Variants in DMD observed in about 807,000 individuals in gnomAD.
The protein encoded by DMD is dystrophin, also known as mutant dystrophin.
DMD carries 63 observed loss-of-function variants against 330.1 expected under a neutral mutation model. That is an observed-to-expected ratio of 0.19 (90% confidence interval 0.16 to 0.24). The LOEUF is 0.24. Among genes scored for constraint, DMD ranks in the 10% least tolerant of loss-of-function variants. The pLI is 1.00. For missense variants in DMD, 3,344 were observed against 2,684.1 expected, an observed-to-expected ratio of 1.25 and a Z score of -5.43; for synonymous variants, 1,223 against 959.8, an observed-to-expected ratio of 1.27 and a Z score of -5.07.
At chrX:31,190,607 GGGGGA>G (rs2042231047) in intron 67 of DMD, among the ~76,000 whole-genome samples, 1 of 17,874 alleles carries the variant, frequency 5.6e-5, no homozygotes, top group African/African-American at 1.5e-4. Flanking sequence ...GGGGGGGGGG[GGGGGA>G]GGGGGAGGGC....
intron 1 of DMD, among the ~76,000 whole-genome samples, chrX:33,101,964 A>G (rs1426407126): frequency 8.9e-6 from 1 of 112,108 alleles, no homozygotes; most frequent in Non-Finnish European, 1.9e-5. Context: ...CTCCTTTGAT[A>G]AAACTTTCAA....
At chrX:31,360,461 G>A (rs911467116) in intron 60 of DMD, among the ~76,000 whole-genome samples, 5 of 111,922 alleles carry the variant, frequency 4.5e-5, no homozygotes, top group Admixed American at 1.9e-4. Flanking sequence ...GCCATTGAAG[G>A]TAATGGTAAA....
At chrX:32,369,409 A>T (rs1384392765) in intron 34 of DMD, among the ~76,000 whole-genome samples, 1 of 111,542 alleles carries the variant, frequency 9.0e-6, no homozygotes, top group Non-Finnish European at 1.9e-5. Context: ...TTAAAAAGGC[A>T]TGTTCGGTTC....
intron 59 of DMD, among the ~76,000 whole-genome samples, chrX:31,448,030 A>G (rs773009191): frequency 0.053 from 5,700 of 108,236 alleles, 257 homozygotes; most frequent in African/African-American, 0.13. Context: ...AAAAAAAAAA[A>G]AAAGAAAAAA....
At chrX:33,290,179 T>TAA (rs1459890244) in intron 1 of DMD, among the ~76,000 whole-genome samples, 6 of 111,576 alleles carry the variant, frequency 5.4e-5, no homozygotes. Flanking sequence ...ATTCTACCAC[T>TAA]AAAAAGTGTT....
intron 60 of DMD, among the ~76,000 whole-genome samples, chrX:31,400,781 C>T (rs765268646): frequency 8.0e-5 from 9 of 112,187 alleles, no homozygotes; most frequent in South Asian, 3.7e-4. Context: ...CTTAGCTTTT[C>T]GACTTAGCAG....
At chrX:32,335,304 C>G (rs1225712881) in intron 41 of DMD, among the ~76,000 whole-genome samples, 1 of 108,015 alleles carries the variant, frequency 9.3e-6, no homozygotes, top group Non-Finnish European at 1.9e-5. Flanking sequence ...CAGTTTCAAG[C>G]AATTCTCATG....
chrX:31,805,049 G>T (rs760289695), intron 50 of DMD, among the ~76,000 whole-genome samples: 9 of 110,738 alleles, frequency 8.1e-5, no homozygotes, highest in Non-Finnish European at 1.7e-4. Context: ...ACACAGGAGG[G>T]CACACAGTAA....
chrX:33,126,273 G>A (rs1362864973), intron 1 of DMD, among the ~76,000 whole-genome samples: 1 of 111,791 alleles, frequency 8.9e-6, no homozygotes, highest in African/African-American at 3.2e-5. Flanking sequence ...TTCTTGTACA[G>A]TGTAAACTAA....
chrX:31,365,968 A>T (rs1443152638), intron 60 of DMD, among the ~76,000 whole-genome samples: 1 of 112,587 alleles, frequency 8.9e-6, no homozygotes, highest in Non-Finnish European at 1.9e-5. Context: ...CAAACAACAG[A>T]AATGCTGCCC....
chrX:32,674,668 C>G (rs1272873462), intron 9 of DMD, among the ~76,000 whole-genome samples: 1 of 111,139 alleles, frequency 9.0e-6, no homozygotes, highest in African/African-American at 3.3e-5. Flanking sequence ...GAGAGAAACT[C>G]AGACCTTTTG....
chrX:32,747,249 T>C lies in DMD; in HGVS notation c.650-47956A>G, dbSNP rs185017749. 3.4e-3 allele frequency among the ~76,000 whole-genome samples: 379 copies of C among 112,042 alleles called. 5 individuals are homozygous for C. The highest frequency in any genetic ancestry group is 0.027 in the Admixed American group (279 of 10,516). On this transcript the variant is annotated intron_variant, in intron 7 of 78. Coordinates refer to ENST00000357033, the MANE Select transcript of DMD (RefSeq NM_004006.3). The stretch of plus-strand genomic sequence containing the variant: ...TTACAATGTCTCCTCAAATTTTGAT[T>C]CAGTTATGTTTGGGAAATATATTTT...
At chrX:32,261,556 G>A (rs1175772052) in intron 43 of DMD, among the ~76,000 whole-genome samples, 1 of 111,994 alleles carries the variant, frequency 8.9e-6, no homozygotes, top group African/African-American at 3.2e-5. Flanking sequence ...AATCAAAGTG[G>A]TGGTGCTATT....
chrX:32,156,177 C>G (rs761890045), intron 44 of DMD, among the ~76,000 whole-genome samples: 1 of 111,745 alleles, frequency 8.9e-6, no homozygotes, highest in Admixed American at 9.5e-5. Flanking sequence ...GTCAAGAGAT[C>G]GAGACTGTCC....
chrX:32,765,339 CGTTTAAAA>C (rs1450462107), intron 7 of DMD, among the ~76,000 whole-genome samples: 2 of 109,633 alleles, frequency 1.8e-5, no homozygotes, highest in Admixed American at 2.0e-4. Context: ...GAAATCTGGT[CGTTTAAAA>C]GTGTATGACA....
At position 32,252,181 on chromosome X, in the gene DMD, C is replaced by T. The variant is rs184856818; in HGVS notation, c.6291-35118G>A. Among the ~76,000 whole-genome samples, 9 of 110,611 alleles carry T rather than the reference C, an allele frequency of 8.1e-5. No individual in the cohort carries two copies. In the East Asian group the frequency reaches 1.4e-3, roughly 18 times the overall value. On this transcript the variant is annotated intron_variant, in intron 43 of 78. Coordinates refer to ENST00000357033, the MANE Select transcript of DMD (RefSeq NM_004006.3). ...ACACAAGGGCTTTCTTTTAGAATTT[C>T]GAACATTCCAAGATCTCTACCAACA...
At chrX:31,245,242 C>A (rs1480293316) in intron 63 of DMD, among the ~76,000 whole-genome samples, 1 of 112,021 alleles carries the variant, frequency 8.9e-6, no homozygotes, top group Non-Finnish European at 1.9e-5. Flanking sequence ...CTTCTACTTT[C>A]TGGAAAGAAC....
chrX:32,350,804 G>T (rs2097779047), intron 37 of DMD, among the ~76,000 whole-genome samples: 1 of 111,065 alleles, frequency 9.0e-6, no homozygotes, highest in African/African-American at 3.3e-5. Flanking sequence ...TCCTAATCTT[G>T]CCCCAAAGAC....
At chrX:31,338,401 G>A (rs970365059) in intron 61 of DMD, among the ~76,000 whole-genome samples, 1 of 109,316 alleles carries the variant, frequency 9.1e-6, no homozygotes, top group Non-Finnish European at 1.9e-5. Context: ...GGGAGGCGGA[G>A]GTTGCAGTGA....
Sources: allele counts gnomAD v4.1 joint callset (sites outside exome capture counted in the v4.1 genomes callset), GRCh38; gene constraint gnomAD v4.1.1; transcripts MANE v1.5; gene names NCBI Gene and HGNC (gene_info 2026-07-23, HGNC 2026-07-21).